KCNK9: variants seen among roughly 807,000 people sequenced by gnomAD.
The protein encoded by KCNK9 is potassium two pore domain channel subfamily K member 9.
In KCNK9, 1 loss-of-function variant was observed where a neutral mutation model predicts 10.8. The observed-to-expected ratio is 0.09, with a 90% CI of 0.03 to 0.44. KCNK9 has a LOEUF of 0.44. Ranked by LOEUF, KCNK9 falls within the 20% of genes least tolerant of loss-of-function variation. The pLI, the probability that KCNK9 is intolerant of heterozygous loss-of-function variation, is 0.97. For missense variants in KCNK9, 303 were observed against 515.0 expected, an observed-to-expected ratio of 0.59 and a Z score of 3.98; for synonymous variants, 231 against 222.7, an observed-to-expected ratio of 1.04 and a Z score of -0.33.
intron 1 of KCNK9, among the ~76,000 whole-genome samples, chr8:139,652,967 G>A (rs761172688): frequency 5.3e-5 from 8 of 152,220 alleles, no homozygotes; most frequent in Admixed American, 1.3e-4. Context: ...GCTGATGCAC[G>A]TACAAGCATC....
chr8:139,619,419 G>A (rs1814710093), intron 1 of KCNK9, among the ~76,000 whole-genome samples: 1 of 152,030 alleles, frequency 6.6e-6, no homozygotes, highest in South Asian at 2.1e-4. Context: ...CACTGAGAGG[G>A]GATGGAGGAA....
chr8:139,664,598 G>A (rs1200758469), intron 1 of KCNK9, among the ~76,000 whole-genome samples: 2 of 152,146 alleles, frequency 1.3e-5, no homozygotes, highest in African/African-American at 4.8e-5. Context: ...AGAAACTGCC[G>A]TCACCTTTGT....
At chr8:139,647,231 T>A (rs2129662578) in intron 1 of KCNK9, among the ~76,000 whole-genome samples, 1 of 152,226 alleles carries the variant, frequency 6.6e-6, no homozygotes, top group African/African-American at 2.4e-5. Flanking sequence ...GTAGAGAAGC[T>A]CTGAAGGTCC....
chr8:139,637,605 G>T (rs1037504808), intron 1 of KCNK9, among the ~76,000 whole-genome samples: 3 of 152,148 alleles, frequency 2.0e-5, no homozygotes, highest in African/African-American at 7.2e-5. Flanking sequence ...GTTAATAAAG[G>T]GCAGGGAAAC....
At chr8:139,670,137 A>C (rs964004785) in intron 1 of KCNK9, among the ~76,000 whole-genome samples, 11 of 152,226 alleles carry the variant, frequency 7.2e-5, no homozygotes, top group African/African-American at 2.7e-4. Flanking sequence ...GAGTAGAATT[A>C]GGGGGAATGG....
At chr8:139,694,532 A>G (rs1213069935) in intron 1 of KCNK9, among the ~76,000 whole-genome samples, 1 of 152,160 alleles carries the variant, frequency 6.6e-6, no homozygotes, top group Non-Finnish European at 1.5e-5. Flanking sequence ...GTGCCTTCAT[A>G]AGAGAGGCCA....
chr8:139,621,471 A>C (rs1814780047), intron 1 of KCNK9, among the ~76,000 whole-genome samples: 1 of 152,170 alleles, frequency 6.6e-6, no homozygotes, highest in African/African-American at 2.4e-5. Context: ...CAGGGGAACA[A>C]TAATATAATA....
At chr8:139,691,375 G>C (rs1473940320) in intron 1 of KCNK9, among the ~76,000 whole-genome samples, 1 of 152,212 alleles carries the variant, frequency 6.6e-6, no homozygotes, top group Non-Finnish European at 1.5e-5. Context: ...TCCTGAAATA[G>C]TAAGAACATC....
chr8:139,637,192 A>G (rs1365002553), intron 1 of KCNK9, among the ~76,000 whole-genome samples: 1 of 152,248 alleles, frequency 6.6e-6, no homozygotes, highest in African/African-American at 2.4e-5. Context: ...ACTGTGCCCA[A>G]GCAGGAAGGG....
At chr8:139,680,720 G>A (rs1356185929) in intron 1 of KCNK9, among the ~76,000 whole-genome samples, 1 of 152,110 alleles carries the variant, frequency 6.6e-6, no homozygotes, top group Non-Finnish European at 1.5e-5. Flanking sequence ...GGCAGGAGAG[G>A]AAACGGGGCC....
chr8:139,691,316 C>T (rs1217182549), intron 1 of KCNK9, among the ~76,000 whole-genome samples: 2 of 152,258 alleles, frequency 1.3e-5, no homozygotes, highest in African/African-American at 4.8e-5. Context: ...TCCACATGAG[C>T]TTGTCCCAGC....
At chr8:139,623,987 G>A (rs551492501) in intron 1 of KCNK9, among the ~76,000 whole-genome samples, 2 of 152,056 alleles carry the variant, frequency 1.3e-5, no homozygotes, top group Non-Finnish European at 2.9e-5. Flanking sequence ...ACCCACAACC[G>A]CCCCGCAAGA....
At chr8:139,654,923 T>A (rs1815979546) in intron 1 of KCNK9, among the ~76,000 whole-genome samples, 1 of 151,860 alleles carries the variant, frequency 6.6e-6, no homozygotes, top group Non-Finnish European at 1.5e-5. Flanking sequence ...AGAGGATGGC[T>A]GCAGAGGGGG....
intron 1 of KCNK9, among the ~76,000 whole-genome samples, chr8:139,687,349 T>TAC (rs1816813076): frequency 1.5e-5 from 1 of 68,436 alleles, no homozygotes; most frequent in Non-Finnish European, 3.2e-5. Context: ...TACATATATA[T>TAC]ATATGTATAC....
downstream of KCNK9, among the ~76,000 whole-genome samples, chr8:139,608,375 C>T (rs1563710420): frequency 6.6e-6 from 1 of 152,228 alleles, no homozygotes; most frequent in South Asian, 2.1e-4. Flanking sequence ...GGGGTTTCCA[C>T]CCCCCAATCC....
Position 139,623,292 on chromosome 8 carries a change from A to G in KCNK9, c.284-4193T>C, listed in dbSNP as rs3780070. 4.1e-4 allele frequency among the ~76,000 whole-genome samples: 63 copies of G among 152,314 alleles called. No homozygotes were observed. The East Asian group carries it at 0.012, about 28-fold the overall frequency. ...ATTTTTTTCCCATCTGCAAATGAAC[A>G]TATCCCAGCATCACCCGCCCAGGGG... On this transcript the variant is annotated intron_variant, in intron 1 of 1. Transcript: ENST00000520439.
At chr8:139,630,067 G>A (rs909864768) in intron 1 of KCNK9, among the ~76,000 whole-genome samples, 1 of 151,804 alleles carries the variant, frequency 6.6e-6, no homozygotes, top group Non-Finnish European at 1.5e-5. Context: ...CGGGGGGAGC[G>A]GGCGTGGGGG....
chr8:139,679,122 C>A (rs756578252), intron 1 of KCNK9, among the ~76,000 whole-genome samples: 4 of 152,218 alleles, frequency 2.6e-5, no homozygotes, highest in Non-Finnish European at 4.4e-5. Flanking sequence ...CTAAGAGAAC[C>A]CCAGTTTTAT....
intron 1 of KCNK9, among the ~76,000 whole-genome samples, chr8:139,667,470 G>A (rs188931766): frequency 5.8e-4 from 88 of 152,306 alleles, no homozygotes; most frequent in African/African-American, 1.9e-3. Context: ...GGCCGAGGTG[G>A]GCAGATCACG....
Sources: gnomAD v4.1 joint callset for allele counts (sites outside exome capture counted in the v4.1 genomes callset) on GRCh38, gnomAD v4.1.1 for gene constraint, MANE v1.5 for transcripts, NCBI Gene and HGNC (gene_info 2026-07-23, HGNC 2026-07-21) for gene names.